Variants in IGF2BP3 observed in about 807,000 individuals in gnomAD.
IGF2BP3 encodes insulin-like growth factor 2 mRNA-binding protein 3.
IGF2BP3 carries 9 observed loss-of-function variants against 73.8 expected under a neutral mutation model. That is an observed-to-expected ratio of 0.12 (90% CI 0.07 to 0.21). The LOEUF is 0.21. IGF2BP3 is among the 10% of genes least tolerant of loss of function. IGF2BP3 has a pLI of 1.00. For missense variants in IGF2BP3, 542 were observed against 714.0 expected (o/e 0.76, Z 2.75); for synonymous variants, 258 against 256.7 (o/e 1.01, Z -0.05).
chr7:23,464,942 A>G (rs1788531539), intron 2 of IGF2BP3, among the ~76,000 whole-genome samples: 1 of 152,138 alleles, frequency 6.6e-6, no homozygotes, highest in Non-Finnish European at 1.5e-5. Context: ...AACAACAAAA[A>G]GGTTAGGTTC....
chr7:23,454,678 C>T (rs1301938976), intron 2 of IGF2BP3, among the ~76,000 whole-genome samples: 1 of 152,168 alleles, frequency 6.6e-6, no homozygotes, highest in Non-Finnish European at 1.5e-5. Context: ...GCAAAGGTTC[C>T]TACTGAGGCC....
intron 2 of IGF2BP3, among the ~76,000 whole-genome samples, chr7:23,434,553 G>A (rs1185864896): frequency 6.6e-6 from 1 of 152,210 alleles, no homozygotes; most frequent in Non-Finnish European, 1.5e-5. Flanking sequence ...CGCACTCTGA[G>A]AACTCCAATG....
chr7:23,439,583 G>A (rs983475127), intron 2 of IGF2BP3, among the ~76,000 whole-genome samples: 10 of 141,300 alleles, frequency 7.1e-5, no homozygotes, highest in Admixed American at 7.0e-4. Context: ...AAAAAGACAT[G>A]TTTAAACTCT....
At chr7:23,404,232 G>A (rs769416555) in intron 3 of IGF2BP3, among the ~76,000 whole-genome samples, 4 of 151,762 alleles carry the variant, frequency 2.6e-5, no homozygotes, top group Non-Finnish European at 4.4e-5. Flanking sequence ...AAAACCCAAA[G>A]GCAGAGTACT....
At position 23,311,096 on chromosome 7, in the gene IGF2BP3, T is replaced by A. The variant is rs376832918; in HGVS notation, c.*1266A>T. On this transcript the variant is annotated 3_prime_UTR_variant, in exon 15 of 15. Transcript: ENST00000258729. Reference sequence around the variant, plus strand: ...ATACAGAAATCCTGTTATACTTTACTACTTAAGGTGGAGTCTAATTTTTTT... The same window carrying A: ...ATACAGAAATCCTGTTATACTTTACAACTTAAGGTGGAGTCTAATTTTTTT... The A allele has an allele frequency of 3.9e-5, 6 of 152,336 alleles. No individual in the cohort carries two copies. Among genetic ancestry groups the A allele is most frequent in the African/African-American group, 1.4e-4 (6 of 41,554 alleles). 9.4% of individuals were successfully genotyped at this position (152,336 alleles called of 1,614,324 possible).
intron 10 of IGF2BP3, among the ~76,000 whole-genome samples, chr7:23,321,724 C>T (rs1318107588): frequency 1.3e-5 from 2 of 152,228 alleles, no homozygotes; most frequent in Non-Finnish European, 2.9e-5. Context: ...AGCTAGAGCT[C>T]TGAGAACGGG....
In IGF2BP3 at chr7:23,351,483, G is replaced by A; in HGVS notation, c.505C>T (p.Arg169Ter). 6.2e-7 allele frequency: 1 copy of A among 1,613,966 alleles called. No homozygotes were observed. Among genetic ancestry groups the A allele is most frequent in the Non-Finnish European group, 8.5e-7 (1 of 1,179,984 alleles). The change falls in exon 6 of 15, where the codon CGA becomes TGA. Residue 169 changes from arginine (R) to a stop codon, truncating the protein, a stop_gained. Transcript: ENST00000258729. LOFTEE classifies it high-confidence loss of function. Reference protein sequence around the residue: ...AAQQNPLQQPRGRRGLGQRGS... With the variant: ...AAQQNPLQQP ...CTCTGCCCAAGCCCCCGGCGACCTC[G>A]GGGCTGCTGCAAGGGGTTTTGCTGG...
intron 10 of IGF2BP3, among the ~76,000 whole-genome samples, chr7:23,337,012 T>C (rs990981723): frequency 6.6e-6 from 1 of 151,904 alleles, no homozygotes; most frequent in East Asian, 1.9e-4. Context: ...GGAAATTTAC[T>C]GCCTTTAAAA....
At position 23,342,206 on chromosome 7, in the gene IGF2BP3, G is replaced by A; in HGVS notation, c.1078-17C>T. On this transcript the variant is annotated splice_polypyrimidine_tract_variant and intron_variant, in intron 9 of 14. Transcript: ENST00000258729. ...TGCTTGAAGCTGCAACAGTAAAAAGGCCCCTTAATTTGACAATTAAAAGAA... is the reference window on the plus strand; with the variant it reads ...TGCTTGAAGCTGCAACAGTAAAAAGACCCCTTAATTTGACAATTAAAAGAA... 1 of 1,612,778 alleles carries A rather than the reference G, an allele frequency of 6.2e-7. No individual in the cohort carries two copies. Among genetic ancestry groups the A allele is most frequent in the Non-Finnish European group, 8.5e-7 (1 of 1,179,142 alleles).
At chr7:23,356,376 A>G (rs1785096787) in intron 5 of IGF2BP3, among the ~76,000 whole-genome samples, 1 of 151,598 alleles carries the variant, frequency 6.6e-6, no homozygotes, top group East Asian at 1.9e-4. Context: ...TCGGCAACAC[A>G]GTGAGACCCT....
At chr7:23,366,774 T>C (rs411586) in intron 3 of IGF2BP3, among the ~76,000 whole-genome samples, 6,023 of 152,172 alleles carry the variant, frequency 0.04, 190 homozygotes, top group South Asian at 0.11. Context: ...GGGAAAGGGC[T>C]GTCAATAGCC....
At chr7:23,459,235 T>A (rs1788388063) in intron 2 of IGF2BP3, among the ~76,000 whole-genome samples, 1 of 152,168 alleles carries the variant, frequency 6.6e-6, no homozygotes, top group African/African-American at 2.4e-5. Flanking sequence ...AGTTTTTGAT[T>A]AATAGTTTTG....
intron 3 of IGF2BP3, among the ~76,000 whole-genome samples, chr7:23,389,915 G>A (rs964114626): frequency 2.0e-5 from 3 of 151,862 alleles, no homozygotes; most frequent in Non-Finnish European, 4.4e-5. Flanking sequence ...GGTCAAGGCT[G>A]CAGTGAGCCG....
intron 2 of IGF2BP3, among the ~76,000 whole-genome samples, chr7:23,433,827 C>T (rs182282096): frequency 6.6e-6 from 1 of 152,222 alleles, no homozygotes; most frequent in Non-Finnish European, 1.5e-5. Context: ...ATAAACCCAG[C>T]ACTTTGGGAG....
chr7:23,403,222 G>A (rs887655914), intron 3 of IGF2BP3, among the ~76,000 whole-genome samples: 1 of 152,152 alleles, frequency 6.6e-6, no homozygotes, highest in African/African-American at 2.4e-5. Flanking sequence ...CCACTAAACT[G>A]AGAGCACACA....
At chr7:23,354,555 A>G (rs1490847749) in intron 5 of IGF2BP3, among the ~76,000 whole-genome samples, 1 of 152,194 alleles carries the variant, frequency 6.6e-6, no homozygotes, top group Non-Finnish European at 1.5e-5. Context: ...CCCTGGGGTA[A>G]AAGGTACACA....
At chr7:23,464,449 T>C (rs569573564) in intron 2 of IGF2BP3, among the ~76,000 whole-genome samples, 1 of 152,166 alleles carries the variant, frequency 6.6e-6, no homozygotes, top group African/African-American at 2.4e-5. Context: ...TGGGCAACTA[T>C]CACTGTTTTC....
At chr7:23,330,130 C>CA (rs1235006846) in intron 10 of IGF2BP3, among the ~76,000 whole-genome samples, 16 of 151,824 alleles carry the variant, frequency 1.1e-4, no homozygotes, top group African/African-American at 3.9e-4. Context: ...ACTGAAAATA[C>CA]AAAAAATAAG....
intron 3 of IGF2BP3, among the ~76,000 whole-genome samples, chr7:23,404,759 G>T (rs948723712): frequency 6.6e-6 from 1 of 151,882 alleles, no homozygotes; most frequent in African/African-American, 2.4e-5. Flanking sequence ...ACGGCAAGTG[G>T]GGGGTGGGGG....
Sources: gnomAD v4.1 joint callset for allele counts (sites outside exome capture counted in the v4.1 genomes callset) on GRCh38, gnomAD v4.1.1 for gene constraint, MANE v1.5 for transcripts, NCBI Gene and HGNC (gene_info 2026-07-23, HGNC 2026-07-21) for gene names.